The following ABCB1 variants were observed in gnomAD, a reference collection of about 807,000 sequenced individuals.
The protein encoded by ABCB1 is ATP binding cassette subfamily B member 1.
ABCB1 carries 69 observed loss-of-function variants against 142.0 expected under a neutral mutation model. The observed-to-expected ratio is 0.49, with a 90% CI of 0.40 to 0.59. ABCB1 has a LOEUF of 0.59. Ranked by LOEUF, ABCB1 falls within the 20% of genes least tolerant of loss-of-function variation. The pLI is 0.00. For synonymous variants in ABCB1, 532 were observed against 539.2 expected (o/e 0.99, Z 0.18); for missense variants, 1,326 against 1,554.7 (o/e 0.85, Z 2.47).
At chr7:87,689,407 G>A (rs1827801222) in intron 1 of ABCB1, among the ~76,000 whole-genome samples, 2 of 152,052 alleles carry the variant, frequency 1.3e-5, no homozygotes. Flanking sequence ...TACTTGTAAT[G>A]AGCAAGTCAT....
In ABCB1 at chr7:87,503,995, A is replaced by G; in HGVS notation, c.*248T>C. The stretch of plus-strand genomic sequence containing the variant: ...AAATATAAACAAAATTACACATTTT[A>G]TCTTTTAAAATCTACTTTAATTCTG... On this transcript the variant is annotated 3_prime_UTR_variant, in exon 28 of 28. Transcript: ENST00000622132. 3.6e-6 allele frequency: 2 copies of G among 552,200 alleles called. No homozygotes were observed. Among genetic ancestry groups the G allele is most frequent in the South Asian group, 4.4e-5 (2 of 45,000 alleles). The allele number at this position is 552,200 out of a possible 1,614,324, so 34.2% of individuals were successfully genotyped here.
At chr7:87,630,069 G>A (rs6963426) in intron 1 of ABCB1, among the ~76,000 whole-genome samples, 150,581 of 152,324 alleles carry the variant, frequency 0.99, 74,437 homozygotes, top group East Asian at 1. Context: ...ACTTCTCTGA[G>A]CCATTAAGTT....
chr7:87,600,139 A>T lies in ABCB1; in HGVS notation c.46T>A (p.Phe16Ile). The T allele has an allele frequency of 6.2e-7, 1 of 1,614,106 alleles. No homozygotes were observed. Among genetic ancestry groups the T allele is most frequent in the Non-Finnish European group, 8.5e-7 (1 of 1,179,956 alleles). ...TACCTTTTATTGTTCAGTTTAAAAA[A>T]GTTCTTCTTCTTTGCTCCTCCATTG... ...DRNGGAKKKN[F>I]FKLNNKSEKD... The change falls in exon 2 of 28, where the codon TTT becomes ATT. Residue 16 changes from phenylalanine (F) to isoleucine (I), a missense_variant. Physicochemically the swap from Phe to Ile is conservative, Grantham distance 21 (BLOSUM62 0). Transcript: ENST00000622132.
intron 8 of ABCB1, among the ~76,000 whole-genome samples, chr7:87,556,612 T>C (rs1239791720): frequency 6.6e-6 from 1 of 152,218 alleles, no homozygotes; most frequent in African/African-American, 2.4e-5. Context: ...GTCACCCCTC[T>C]CCTGCCTCTG....
intron 21 of ABCB1, 176 bp from the exon 22 acceptor site, chr7:87,521,052 T>C: frequency 1.7e-6 from 1 of 604,414 alleles, no homozygotes; most frequent in East Asian, 3.0e-5. Flanking sequence ...GTTATGGATC[T>C]GGAAGGAAGA....
chr7:87,688,131 A>G (rs1023048464), intron 1 of ABCB1, among the ~76,000 whole-genome samples: 1 of 152,092 alleles, frequency 6.6e-6, no homozygotes, highest in Non-Finnish European at 1.5e-5. Flanking sequence ...ACACCCTTTT[A>G]AGTTATGTAC....
chr7:87,660,021 A>G (rs1563111045), intron 1 of ABCB1, among the ~76,000 whole-genome samples: 1 of 152,106 alleles, frequency 6.6e-6, no homozygotes, highest in Non-Finnish European at 1.5e-5. Context: ...GTTTGATAAC[A>G]TTTTAGAGGT....
Position 87,578,692 on chromosome 7 carries a change from CTT to C in ABCB1, c.286+6818_286+6819del, listed in dbSNP as rs35471539. Among the ~76,000 whole-genome samples the C allele has an allele frequency of 2.4e-3, 250 of 102,638 alleles. 1 individual carries two copies. The highest frequency in any genetic ancestry group is 9.1e-3 in the East Asian group (27 of 2,970). 67.3% of individuals were successfully genotyped at this position (102,638 alleles called of 152,430 possible). On this transcript the variant is annotated intron_variant, in intron 4 of 27. Coordinates refer to ENST00000622132, the MANE Select transcript of ABCB1 (RefSeq NM_001348946.2). ...TAGCAATAGTAAATGAGACTACTTT[CTT>C]TTTTTTTTTTTTTTTTTGAGACGGA...
In ABCB1 at chr7:87,550,050, C is replaced by A; in HGVS notation, c.1355G>T (p.Ser452Ile). ...GGTCCTAATATCCTGTCCATCAACA[C>A]TGACCTGGAATAAAAAGTAAGTGTG... is the stretch of plus-strand genomic sequence containing the variant. ...RLYDPTEGMV[S>I]VDGQDIRTIN... Residue 452 changes from serine to isoleucine, a missense_variant, in exon 13 of 28, where the codon AGT becomes ATT. Ser to Ile is a moderately radical substitution (Grantham distance 142). Transcript: ENST00000622132. 6.2e-7 allele frequency: 1 copy of A among 1,614,200 alleles called. No homozygotes were observed. Among genetic ancestry groups the A allele is most frequent in the South Asian group, 1.1e-5 (1 of 91,082 alleles).
In ABCB1 at chr7:87,549,407, C is replaced by T; in HGVS notation, c.1666G>A (p.Glu556Lys). Residue 556 changes from glutamate to lysine, a missense_variant, in exon 14 of 28, where the codon GAG (glutamate) becomes AAG (lysine). Physicochemically the swap from Glu to Lys is moderately conservative, Grantham distance 56. Coordinates refer to ENST00000622132, the MANE Select transcript of ABCB1 (RefSeq NM_001348946.2). ...VRNPKILLLD[E>K]ATSALDTESE... Reference sequence around the variant, plus strand: ...TCTGTGTCCAAGGCTGACGTGGCCTCATCCAGCAGGAGGATCTTGGGGTTG... The same window carrying T: ...TCTGTGTCCAAGGCTGACGTGGCCTTATCCAGCAGGAGGATCTTGGGGTTG... 1 of 1,614,218 alleles carries T rather than the reference C, an allele frequency of 6.2e-7. No individual in the cohort carries two copies. Among genetic ancestry groups the T allele is most frequent in the Non-Finnish European group, 8.5e-7 (1 of 1,180,038 alleles).
chr7:87,648,712 T>A (rs375818876), intron 1 of ABCB1, among the ~76,000 whole-genome samples: 14 of 152,268 alleles, frequency 9.2e-5, no homozygotes, highest in African/African-American at 3.1e-4. Flanking sequence ...TTTCCCGATA[T>A]AACTGGTTGT....
intron 22 of ABCB1, 149 bp from the exon 23 acceptor site, chr7:87,519,615 C>G: frequency 1.1e-6 from 1 of 873,514 alleles, no homozygotes; most frequent in South Asian, 1.5e-5. Flanking sequence ...TCACTTTACA[C>G]TTAACAGTTG....
At chr7:87,675,169 C>T (rs1344403775) in intron 1 of ABCB1, among the ~76,000 whole-genome samples, 1 of 152,200 alleles carries the variant, frequency 6.6e-6, no homozygotes, top group African/African-American at 2.4e-5. Context: ...TGCTTAGCCT[C>T]CCCATGCTGG....
At position 87,700,253 on chromosome 7, in the gene ABCB1, GATAGA is replaced by G. The variant is rs1370785831; in HGVS notation, c.-331+12903_-331+12907del. 6.6e-5 allele frequency among the ~76,000 whole-genome samples: 10 copies of G among 152,242 alleles called. No homozygotes were observed. The East Asian group carries it at 1.7e-3, about 26-fold the overall frequency. On this transcript the variant is annotated intron_variant, in intron 1 of 28. Coordinates refer to the ABCB1 transcript ENST00000265724. ...TTCCAAACTAACACCACTAGTTAAA[GATAGA>G]ATAGGACTAGATTTGAGGCTTTTTG...
At chr7:87,702,813 G>A (rs1406681260) in intron 1 of ABCB1, among the ~76,000 whole-genome samples, 1 of 152,098 alleles carries the variant, frequency 6.6e-6, no homozygotes, top group Non-Finnish European at 1.5e-5. Flanking sequence ...CAAAGAAAAT[G>A]CTAAATGGAC....
intron 8 of ABCB1, among the ~76,000 whole-genome samples, chr7:87,558,765 T>G (rs948667664): frequency 3.0e-4 from 46 of 152,092 alleles, no homozygotes; most frequent in Admixed American, 3.0e-3. Context: ...TGTTTCTTAT[T>G]CCTAGTTTTA....
intron 1 of ABCB1, among the ~76,000 whole-genome samples, chr7:87,668,988 G>C (rs912325571): frequency 6.6e-6 from 1 of 152,062 alleles, no homozygotes; most frequent in Non-Finnish European, 1.5e-5. Flanking sequence ...AGGTGTATCC[G>C]AGCCTTTTGG....
chr7:87,617,856 G>T (rs1175535875), intron 1 of ABCB1, among the ~76,000 whole-genome samples: 1 of 152,158 alleles, frequency 6.6e-6, no homozygotes, highest in Admixed American at 6.5e-5. Flanking sequence ...CAGTGAGCCT[G>T]TGAATAAAAC....
chr7:87,521,873 CT>C (rs1383340917), intron 21 of ABCB1: 8 of 772,598 alleles, frequency 1.0e-5, no homozygotes, highest in Non-Finnish European at 1.9e-5. Context: ...GAAATCATGA[CT>C]GACCAAGGCA....
Sources: gnomAD v4.1 joint callset for allele counts (sites outside exome capture counted in the v4.1 genomes callset) on GRCh38, gnomAD v4.1.1 for gene constraint, MANE v1.5 for transcripts, NCBI Gene and HGNC (gene_info 2026-07-23, HGNC 2026-07-21) for gene names.